The following HS3ST5 variants were observed in gnomAD, a reference collection of about 807,000 sequenced individuals.
The protein encoded by HS3ST5 is heparan sulfate glucosamine 3-O-sulfotransferase 5.
HS3ST5 carries 10 observed loss-of-function variants against 25.4 expected under a neutral mutation model. That is an observed-to-expected ratio of 0.39 (90% CI 0.24 to 0.67). HS3ST5 has a LOEUF of 0.67. Ranked by LOEUF, HS3ST5 falls within the 30% of genes least tolerant of loss-of-function variation. The pLI, the probability that HS3ST5 is intolerant of heterozygous loss-of-function variation, is 0.44. For missense variants in HS3ST5, 324 were observed against 420.7 expected (o/e 0.77, Z 2.01); for synonymous variants, 170 against 162.4 (o/e 1.05, Z -0.36).
At chr6:114,108,902 C>T (rs922024171) in intron 3 of HS3ST5, among the ~76,000 whole-genome samples, 14 of 152,202 alleles carry the variant, frequency 9.2e-5, no homozygotes, top group Admixed American at 8.5e-4. Context: ...GTGGCTCACT[C>T]CTGTAATCTC....
chr6:114,133,935 G>A (rs1183874915), intron 3 of HS3ST5, among the ~76,000 whole-genome samples: 1 of 152,020 alleles, frequency 6.6e-6, no homozygotes, highest in Admixed American at 6.6e-5. Flanking sequence ...AGCAAGACTG[G>A]GATGTGATAG....
Position 114,139,925 on chromosome 6 carries a change from G to A in HS3ST5, c.-33+28426C>T, listed in dbSNP as rs987651014. Reference sequence around the variant, plus strand: ...TGCATCTACTAAATGCTAGATGTCGGGTATCAGACATGTAAACATTTCACC... The same window carrying A: ...TGCATCTACTAAATGCTAGATGTCGAGTATCAGACATGTAAACATTTCACC... On this transcript the variant is annotated intron_variant, in intron 3 of 4. Transcript: ENST00000312719. Among the ~76,000 whole-genome samples, 7 of 152,096 alleles carry A rather than the reference G, an allele frequency of 4.6e-5. No homozygotes were observed. In the South Asian group the frequency reaches 1.5e-3, roughly 32 times the overall value.
chr6:114,209,105 G>T (rs1032117840), intron 2 of HS3ST5, among the ~76,000 whole-genome samples: 4 of 152,092 alleles, frequency 2.6e-5, no homozygotes, highest in Non-Finnish European at 5.9e-5. Flanking sequence ...AATCTGGGCT[G>T]TACAGGTTTT....
chr6:114,154,591 T>C (rs889121785), intron 3 of HS3ST5, among the ~76,000 whole-genome samples: 1 of 152,202 alleles, frequency 6.6e-6, no homozygotes, highest in Non-Finnish European at 1.5e-5. Flanking sequence ...CTTGAGGGGC[T>C]TGTACCAGCC....
At chr6:114,174,660 C>T (rs78521288) in intron 2 of HS3ST5, among the ~76,000 whole-genome samples, 121 of 152,178 alleles carry the variant, frequency 8.0e-4, no homozygotes, top group African/African-American at 2.8e-3. Context: ...ACAAGTTTCT[C>T]GTTTTGGTTT....
intron 1 of HS3ST5, among the ~76,000 whole-genome samples, chr6:114,290,437 C>G (rs111329411): frequency 1.3e-5 from 2 of 151,952 alleles, no homozygotes; most frequent in African/African-American, 4.8e-5. Context: ...AACTAAAGTC[C>G]CATCCTGAAA....
At chr6:114,196,784 C>T (rs187735040) in intron 2 of HS3ST5, among the ~76,000 whole-genome samples, 35 of 151,534 alleles carry the variant, frequency 2.3e-4, no homozygotes, top group African/African-American at 7.8e-4. Context: ...GTTACTGTTT[C>T]GTTTAATGTA....
At chr6:114,106,993 G>C (rs1254898559) in intron 3 of HS3ST5, among the ~76,000 whole-genome samples, 1 of 151,998 alleles carries the variant, frequency 6.6e-6, no homozygotes, top group African/African-American at 2.4e-5. Flanking sequence ...TGAACAAAAA[G>C]ACTTGGGTTG....
At chr6:114,251,369 C>G (rs1772650500) in intron 1 of HS3ST5, 1 of 152,180 alleles carries the variant, frequency 6.6e-6, no homozygotes, top group African/African-American at 2.4e-5. Flanking sequence ...TGAGATGCCA[C>G]TAGAGAACAT....
intron 1 of HS3ST5, among the ~76,000 whole-genome samples, chr6:114,335,438 A>C (rs752677409): frequency 2.0e-4 from 30 of 152,224 alleles, no homozygotes; most frequent in Non-Finnish European, 1.9e-4. Flanking sequence ...TGAAATATAA[A>C]GATGTCAGAA....
intron 3 of HS3ST5, among the ~76,000 whole-genome samples, chr6:114,133,597 T>C (rs1777454736): frequency 6.6e-6 from 1 of 152,198 alleles, no homozygotes; most frequent in African/African-American, 2.4e-5. Context: ...TTTTAGAGCA[T>C]TTATTCAGTC....
chr6:114,138,126 C>G (rs950679483), intron 3 of HS3ST5, among the ~76,000 whole-genome samples: 2 of 152,078 alleles, frequency 1.3e-5, no homozygotes, highest in Non-Finnish European at 2.9e-5. Flanking sequence ...AATTAGCACC[C>G]ATTTCTGATT....
chr6:114,261,673 G>C (rs1773178297), intron 1 of HS3ST5, among the ~76,000 whole-genome samples: 1 of 152,188 alleles, frequency 6.6e-6, no homozygotes, highest in South Asian at 2.1e-4. Context: ...TTACAGTATA[G>C]TTTATTGCTA....
At chr6:114,087,381 AT>A (rs1451669742) in intron 3 of HS3ST5, among the ~76,000 whole-genome samples, 3 of 151,868 alleles carry the variant, frequency 2.0e-5, no homozygotes, top group African/African-American at 7.3e-5. Flanking sequence ...CCATTTCTTG[AT>A]TTTTCCAGGC....
chr6:114,230,309 C>T (rs1582739949), intron 1 of HS3ST5: 1 of 151,774 alleles, frequency 6.6e-6, no homozygotes, highest in Non-Finnish European at 1.5e-5. Flanking sequence ...ATCTTTGCCT[C>T]GGTGACAAAG....
chr6:114,096,495 G>A (rs958540549), intron 3 of HS3ST5, among the ~76,000 whole-genome samples: 8 of 152,094 alleles, frequency 5.3e-5, no homozygotes, highest in African/African-American at 1.9e-4. Context: ...GACTGGAAAG[G>A]TTACCAGGTG....
intron 1 of HS3ST5, among the ~76,000 whole-genome samples, chr6:114,242,435 C>T (rs1045610325): frequency 6.6e-6 from 1 of 152,004 alleles, no homozygotes; most frequent in Non-Finnish European, 1.5e-5. Flanking sequence ...ATGGATGGTA[C>T]CTGCATCTAG....
intron 3 of HS3ST5, among the ~76,000 whole-genome samples, chr6:114,064,614 T>C (rs1773340229): frequency 1.3e-5 from 2 of 152,210 alleles, no homozygotes. Flanking sequence ...TCTTATGTGC[T>C]AGATTCTGTA....
At chr6:114,183,301 G>A (rs1226417742) in intron 2 of HS3ST5, among the ~76,000 whole-genome samples, 1 of 152,106 alleles carries the variant, frequency 6.6e-6, no homozygotes, top group East Asian at 1.9e-4. Flanking sequence ...TAAGTCTCAT[G>A]AGATCTAATA....
Sources: allele counts gnomAD v4.1 joint callset (sites outside exome capture counted in the v4.1 genomes callset), GRCh38; gene constraint gnomAD v4.1.1; transcripts MANE v1.5; gene names NCBI Gene and HGNC (gene_info 2026-07-23, HGNC 2026-07-21).